Variants in ACTN1 observed in about 807,000 individuals in gnomAD.
ACTN1 encodes the protein actinin alpha 1.
In ACTN1, 30 loss-of-function variants were observed where a neutral mutation model predicts 119.6. The ratio of observed to expected loss-of-function variants is 0.25; its 90% CI spans 0.19 to 0.34. The LOEUF is 0.34. ACTN1 is among the 10% of genes least tolerant of loss of function. The probability of loss-of-function intolerance (pLI) is 1.00; values close to 1 mark genes in which losing one functional copy is unlikely to be tolerated. For missense variants in ACTN1, 764 were observed against 1,223.4 expected (o/e 0.62, Z 5.60); for synonymous variants, 429 against 472.6 (o/e 0.91, Z 1.20).
intron 6 of ACTN1, among the ~76,000 whole-genome samples, chr14:68,908,825 C>T (rs930897082): frequency 6.6e-6 from 1 of 152,156 alleles, no homozygotes; most frequent in African/African-American, 2.4e-5. Flanking sequence ...ATGCTGAAGG[C>T]GGGAGTGAAA....
chr14:68,875,216 C>T, intron 21 of ACTN1, 199 bp from the exon 22 acceptor site: 1 of 1,434,338 alleles, frequency 7.0e-7, no homozygotes, highest in East Asian at 2.5e-5. Context: ...TTTTAAAATT[C>T]TCTCAGGTTT....
Position 68,884,276 on chromosome 14 carries a change from C to T in ACTN1, c.1527G>A (p.Gln509=), listed in dbSNP as rs2031813739. ...RTEKLLETID[Q]LYLEYAKRAA... is the part of the protein sequence containing the mutation. ...CCCGCTTGGCATACTCCAAGTACAG[C>T]TGGTCAATGGTCTCCAGCAGTTTCT... The change falls in exon 14 of 22, where the codon CAG becomes CAA. Residue 509 remains glutamine, a synonymous_variant. Coordinates refer to ENST00000394419, the MANE Select transcript of ACTN1 (RefSeq NM_001130004.2). 3 of 1,614,036 alleles carry T rather than the reference C, an allele frequency of 1.9e-6. No homozygotes were observed. Among genetic ancestry groups the T allele is most frequent in the African/African-American group, 2.7e-5 (2 of 74,918 alleles).
chr14:68,910,537 C>T (rs576674114), intron 4 of ACTN1, among the ~76,000 whole-genome samples: 1 of 152,258 alleles, frequency 6.6e-6, no homozygotes, highest in Admixed American at 6.5e-5. Flanking sequence ...ATATTTACTG[C>T]ACGGATCAAT....
intron 1 of ACTN1, chr14:68,977,808 C>CCCA: frequency 2.7e-6 from 1 of 367,548 alleles, no homozygotes; most frequent in South Asian, 2.0e-5. Flanking sequence ...TGTCCCCCCC[C>CCCA]CACCCAAAAC....
At chr14:68,903,039 C>T (rs527290346) in intron 7 of ACTN1, among the ~76,000 whole-genome samples, 2 of 152,256 alleles carry the variant, frequency 1.3e-5, no homozygotes, top group African/African-American at 2.4e-5. Context: ...TTATCATTGA[C>T]TAAGAAAATA....
chr14:68,978,717 C>A (rs571470812), intron 1 of ACTN1: 2 of 352,154 alleles, frequency 5.7e-6, no homozygotes, highest in Non-Finnish European at 1.0e-5. Flanking sequence ...CCGCCAGCGG[C>A]GCCACCTCCC....
In ACTN1 at chr14:68,882,852, G is replaced by T; in HGVS notation, c.1818+21C>A. 1 of 1,608,724 alleles carries T rather than the reference G, an allele frequency of 6.2e-7. No homozygotes were observed. On this transcript the variant is annotated intron_variant, in intron 15 of 21. Transcript: ENST00000394419. The surrounding 1 kb of genome is among the most constrained non-coding windows in gnomAD (Gnocchi z 4.5). The stretch of plus-strand genomic sequence containing the variant: ...GCCTTTATGAAACTTACAATGGCTC[G>T]GCCCATGCCCTTCAACTCACGTGGT...
rs532055520 is a variant in ACTN1, at chr14:68,879,154, C to T, written c.2281-85G>A. ...GGGGGCATGCCCCGGGGGAGGGTGGCGTGTGTGGGGAGACACAGGGACAGG... is the reference window on the plus strand; with the variant it reads ...GGGGGCATGCCCCGGGGGAGGGTGGTGTGTGTGGGGAGACACAGGGACAGG... On this transcript the variant is annotated intron_variant, in intron 18 of 21. Coordinates refer to ENST00000394419, the MANE Select transcript of ACTN1 (RefSeq NM_001130004.2). The surrounding 1 kb of genome is among the most constrained non-coding windows in gnomAD (Gnocchi z 4.9). 4,347 of 802,018 alleles carry T rather than the reference C, an allele frequency of 5.4e-3. 16 individuals are homozygous for T. The highest frequency in any genetic ancestry group is 0.024 in the Middle Eastern group (41 of 1,728). 49.7% of individuals were successfully genotyped at this position (802,018 alleles called of 1,614,324 possible). A position where few individuals can be genotyped will look rare whatever the true frequency, so the allele number is the denominator to read the frequency against.
intron 1 of ACTN1, among the ~76,000 whole-genome samples, chr14:68,938,054 T>C (rs2035607839): frequency 6.6e-6 from 1 of 152,232 alleles, no homozygotes; most frequent in Non-Finnish European, 1.5e-5. Context: ...AGCAAAGACC[T>C]GCCCAGAAGT....
intron 20 of ACTN1, 90 bp from the exon 21 acceptor site, chr14:68,877,330 C>A (rs1049780276): frequency 6.6e-6 from 10 of 1,511,886 alleles, no homozygotes; most frequent in Admixed American, 5.7e-5. Context: ...CTCAGAGCAG[C>A]CTATGGCTGG....
In ACTN1 at chr14:68,921,267, G is replaced by A. The variant is rs538288857; in HGVS notation, c.221-142C>T. 6.4e-5 allele frequency: 65 copies of A among 1,018,960 alleles called. No homozygotes were observed. In the South Asian group the frequency reaches 7.9e-4, roughly 12 times the overall value. The allele number at this position is 1,018,960 out of a possible 1,614,324, so 63.1% of individuals were successfully genotyped here. ...TGTGCACGTGTGTGTGTGCTCACAC[G>A]CTGCTCAGGGGCTGGAGAATGTCAC... On this transcript the variant is annotated intron_variant, in intron 2 of 21. Transcript: ENST00000394419.
intron 11 of ACTN1, chr14:68,887,270 C>T: frequency 3.1e-6 from 1 of 320,120 alleles, no homozygotes; most frequent in Non-Finnish European, 6.0e-6. Flanking sequence ...AGCACAGTGA[C>T]AAAGTTATTA....
At chr14:68,884,120 CA>C in intron 14 of ACTN1, 47 bp downstream of exon 14, 1 of 1,574,164 alleles carries the variant, frequency 6.4e-7, no homozygotes, top group Non-Finnish European at 8.7e-7. Context: ...GAGCATGGGC[CA>C]GGGGCCCCAG....
chr14:68,884,845 C>T lies in ACTN1; in HGVS notation c.1424G>A (p.Arg475His), dbSNP rs774496996. ...DYYDSPSVNA[R>H]CQKICDQWDN... is the part of the protein sequence containing the mutation. Reference sequence around the variant, plus strand: ...CCACTGGTCACAGATCTTTTGGCAACGGGCGTTGACACTGGGTGAGTCATA... The same window carrying T: ...CCACTGGTCACAGATCTTTTGGCAATGGGCGTTGACACTGGGTGAGTCATA... Residue 475 changes from arginine (R) to histidine (H), a missense_variant, in exon 13 of 22, where the codon CGT (arginine) becomes CAT (histidine). Physicochemically the swap from Arg to His is conservative, Grantham distance 29. Coordinates refer to ENST00000394419, the MANE Select transcript of ACTN1 (RefSeq NM_001130004.2). 23 of 1,614,024 alleles carry T rather than the reference C, an allele frequency of 1.4e-5. No homozygotes were observed. Among genetic ancestry groups the T allele is most frequent in the Admixed American group, 3.3e-5 (2 of 60,010 alleles).
intron 1 of ACTN1, among the ~76,000 whole-genome samples, chr14:68,965,926 G>A (rs746373482): frequency 1.3e-5 from 2 of 152,202 alleles, no homozygotes; most frequent in Non-Finnish European, 2.9e-5. Flanking sequence ...ACCTTTAGAA[G>A]TGCCTGACTC....
intron 1 of ACTN1, among the ~76,000 whole-genome samples, chr14:68,926,355 G>A (rs2034924977): frequency 6.6e-6 from 1 of 152,246 alleles, no homozygotes; most frequent in Non-Finnish European, 1.5e-5. Context: ...CTATTAAGCA[G>A]ATTATGATCA....
At chr14:68,946,143 C>T (rs1342485292) in intron 1 of ACTN1, among the ~76,000 whole-genome samples, 4 of 152,138 alleles carry the variant, frequency 2.6e-5, no homozygotes, top group Admixed American at 2.6e-4. Flanking sequence ...ACTCTCACAA[C>T]TGTCCGTAAC....
intron 1 of ACTN1, among the ~76,000 whole-genome samples, chr14:68,940,859 A>G (rs1480543487): frequency 6.6e-6 from 1 of 152,172 alleles, no homozygotes; most frequent in South Asian, 2.1e-4. Flanking sequence ...TGCTTGGACA[A>G]GGAAGTTTTC....
At position 68,909,869 on chromosome 14, in the gene ACTN1, C is replaced by G. The variant is rs1394398867; in HGVS notation, c.515+86G>C. 1.1e-5 allele frequency: 13 copies of G among 1,174,056 alleles called. No individual in the cohort carries two copies. The highest frequency in any genetic ancestry group is 1.6e-5 in the Non-Finnish European group (13 of 797,244). The allele number at this position is 1,174,056 out of a possible 1,614,324, so 72.7% of individuals were successfully genotyped here. On this transcript the variant is annotated intron_variant, in intron 5 of 21. Coordinates refer to ENST00000394419, the MANE Select transcript of ACTN1 (RefSeq NM_001130004.2). The surrounding 1 kb of genome is among the most constrained non-coding windows in gnomAD (Gnocchi z 4.1). ...CAGAGGTCTCCACTTTGTTCTAAAGCTGAGACTGACCCAGCCAAGGGGGTC... is the reference window on the plus strand; with the variant it reads ...CAGAGGTCTCCACTTTGTTCTAAAGGTGAGACTGACCCAGCCAAGGGGGTC...
Sources: gnomAD v4.1 joint callset for allele counts (sites outside exome capture counted in the v4.1 genomes callset) on GRCh38, gnomAD v4.1.1 for gene constraint, Gnocchi (gnomAD v3.1) non-coding constraint, MANE v1.5 for transcripts, NCBI Gene and HGNC (gene_info 2026-07-23, HGNC 2026-07-21) for gene names.